The following KIAA0232 variants were observed in gnomAD, a reference collection of about 807,000 sequenced individuals.
The protein encoded by KIAA0232 is KIAA0232.
In KIAA0232, 27 loss-of-function variants were observed where a neutral mutation model predicts 122.0. The observed-to-expected ratio is 0.22, with a 90% CI of 0.16 to 0.31. KIAA0232 has a LOEUF of 0.31. Among genes scored for constraint, KIAA0232 ranks in the 10% least tolerant of loss-of-function variants. The probability of loss-of-function intolerance (pLI) is 1.00; values close to 1 mark genes in which losing one functional copy is unlikely to be tolerated. For synonymous variants in KIAA0232, 613 were observed against 587.6 expected, an observed-to-expected ratio of 1.04 and a Z score of -0.63; for missense variants, 1,551 against 1,634.2, an observed-to-expected ratio of 0.95 and a Z score of 0.88.
intron 1 of KIAA0232, among the ~76,000 whole-genome samples, chr4:6,803,285 A>G (rs958423089): frequency 6.6e-6 from 1 of 151,896 alleles, no homozygotes; most frequent in Non-Finnish European, 1.5e-5. Context: ...GAAATATTCC[A>G]TGAGTAGTTG....
At chr4:6,818,741 G>A (rs1418855308) in intron 2 of KIAA0232, among the ~76,000 whole-genome samples, 1 of 151,556 alleles carries the variant, frequency 6.6e-6, no homozygotes, top group Non-Finnish European at 1.5e-5. Flanking sequence ...AAATTCGTGT[G>A]GAACCAAAAA....
chr4:6,821,810 A>C (rs193049641), intron 2 of KIAA0232, among the ~76,000 whole-genome samples: 1 of 152,158 alleles, frequency 6.6e-6, no homozygotes, highest in Admixed American at 6.6e-5. Flanking sequence ...TTGTGCTGCT[A>C]TAAATACGAA....
chr4:6,813,912 G>A (rs573666663), intron 2 of KIAA0232, among the ~76,000 whole-genome samples: 2 of 152,108 alleles, frequency 1.3e-5, no homozygotes, highest in East Asian at 1.9e-4. Context: ...GTCTGTTCTC[G>A]CCTTACTCCA....
At chr4:6,853,988 CG>C (rs1720435263) in intron 4 of KIAA0232, among the ~76,000 whole-genome samples, 1 of 152,112 alleles carries the variant, frequency 6.6e-6, no homozygotes, top group Admixed American at 6.5e-5. Context: ...AAGAACCTAG[CG>C]TTGGTCAGAG....
intron 4 of KIAA0232, among the ~76,000 whole-genome samples, chr4:6,847,979 C>T (rs904701767): frequency 1.3e-5 from 2 of 152,132 alleles, no homozygotes; most frequent in Non-Finnish European, 2.9e-5. Flanking sequence ...CTTAATGAGG[C>T]CCTGTTTGAG....
chr4:6,842,026 A>C (rs762752543), intron 3 of KIAA0232, 41 bp from the exon 4 acceptor site: 6 of 1,610,982 alleles, frequency 3.7e-6, no homozygotes, highest in South Asian at 3.3e-5. Context: ...GTAGTGTCCA[A>C]GTTAGCCCTG....
chr4:6,862,096 A>G lies in KIAA0232; in HGVS notation c.1714A>G (p.Ser572Gly), dbSNP rs758209918. 5.0e-6 allele frequency: 8 copies of G among 1,614,226 alleles called. No individual in the cohort carries two copies. Among genetic ancestry groups the G allele is most frequent in the South Asian group, 4.4e-5 (4 of 91,086 alleles). ...ACGTGCAATATGGACAGATTCTACC[A>G]GCTCCGTAGGTGCTGAGGGCTTATT... The part of the protein sequence containing the change: ...GERAIWTDST[S>G]SVGAEGLFLQ... The change falls in exon 7 of 10, where the codon AGC (serine) becomes GGC (glycine). Residue 572 changes from serine to glycine, a missense_variant. Physicochemically the swap from Ser to Gly is moderately conservative, Grantham distance 56. Transcript: ENST00000307659.
At chr4:6,814,836 CTT>C in intron 2 of KIAA0232, among the ~76,000 whole-genome samples, 1 of 152,074 alleles carries the variant, frequency 6.6e-6, no homozygotes. Flanking sequence ...GATATATAAA[CTT>C]TTATGGGAAC....
chr4:6,834,337 A>T (rs1003622834), intron 3 of KIAA0232, among the ~76,000 whole-genome samples: 10 of 152,144 alleles, frequency 6.6e-5, no homozygotes, highest in African/African-American at 2.2e-4. Context: ...GCATCATTTT[A>T]TGTACTGATA....
chr4:6,811,025 A>G (rs1717852493), intron 2 of KIAA0232, among the ~76,000 whole-genome samples: 1 of 152,258 alleles, frequency 6.6e-6, no homozygotes, highest in South Asian at 2.1e-4. Context: ...TATAGCTTCT[A>G]TGGAAAAGAG....
At chr4:6,830,586 T>C (rs1451234110) in intron 3 of KIAA0232, among the ~76,000 whole-genome samples, 1 of 151,974 alleles carries the variant, frequency 6.6e-6, no homozygotes, top group East Asian at 1.9e-4. Context: ...TTTATATTTT[T>C]AGTAGACACA....
intron 4 of KIAA0232, among the ~76,000 whole-genome samples, chr4:6,851,134 A>C (rs959655978): frequency 1.2e-4 from 18 of 152,330 alleles, no homozygotes; most frequent in South Asian, 8.3e-4. Flanking sequence ...AGAATGTTAT[A>C]CTTAAACTTT....
intron 3 of KIAA0232, 102 bp from the exon 4 acceptor site, chr4:6,841,965 G>A: frequency 1.5e-6 from 2 of 1,330,096 alleles, no homozygotes; most frequent in Non-Finnish European, 2.1e-6. Flanking sequence ...AACTCGTATG[G>A]AAATGCAAGG....
chr4:6,845,218 C>G (rs868092885), intron 4 of KIAA0232, among the ~76,000 whole-genome samples: 5 of 152,312 alleles, frequency 3.3e-5, no homozygotes, highest in African/African-American at 4.8e-5. Context: ...CAGGCTTGAG[C>G]CAGCCTGATT....
chr4:6,792,907 C>T (rs932860510), intron 1 of KIAA0232, among the ~76,000 whole-genome samples: 5 of 151,920 alleles, frequency 3.3e-5, no homozygotes, highest in African/African-American at 4.8e-5. Context: ...AGAATGGTCT[C>T]GATCTCCTGA....
In KIAA0232 at chr4:6,824,193, G is replaced by A. The variant is rs893523888; in HGVS notation, c.-261G>A. 17 of 516,304 alleles carry A rather than the reference G, an allele frequency of 3.3e-5. No homozygotes were observed. The East Asian group carries it at 3.4e-4, about 10-fold the overall frequency. The allele number at this position is 516,304 out of a possible 1,614,324, so 32.0% of individuals were successfully genotyped here. A position where few individuals can be genotyped will look rare whatever the true frequency, so the allele number is the denominator to read the frequency against. On this transcript the variant is annotated 5_prime_UTR_variant, in exon 3 of 10. Coordinates refer to ENST00000307659, the MANE Select transcript of KIAA0232 (RefSeq NM_014743.3). ...CTCTCTCATTTTTGTAGGTTCTGCC[G>A]GAGACTTCCATTTGGCCTCAATGTG...
chr4:6,807,225 A>AAT (rs527686615), intron 2 of KIAA0232, among the ~76,000 whole-genome samples: 141 of 152,340 alleles, frequency 9.3e-4, no homozygotes, highest in Non-Finnish European at 1.7e-3. Context: ...TTAAACATAA[A>AAT]GATCAACCAG....
Position 6,880,854 on chromosome 4 carries a change from G to A in KIAA0232, c.4076G>A (p.Arg1359His), listed in dbSNP as rs372295449. 3.7e-5 allele frequency: 60 copies of A among 1,606,966 alleles called. No individual in the cohort carries two copies. In the Middle Eastern group the frequency reaches 6.6e-4, roughly 18 times the overall value. ...TCTGGAGCAAAGTCAGATGGCTTCC[G>A]CGGAAAGATGTGCTCCAGCGCCAGC... ...RDSGAKSDGF[R>H]GKMCSSASST... The change falls in exon 10 of 10, where the codon CGC (arginine) becomes CAC (histidine). Residue 1359 changes from arginine to histidine, a missense_variant. Physicochemically the swap from Arg to His is conservative, Grantham distance 29 (BLOSUM62 0). Transcript: ENST00000307659.
chr4:6,815,209 C>G (rs967192880), intron 2 of KIAA0232, among the ~76,000 whole-genome samples: 45 of 152,214 alleles, frequency 3.0e-4, no homozygotes, highest in African/African-American at 9.7e-4. Flanking sequence ...TGTTCCTCAT[C>G]ATGCCAGGTG....
Sources: allele counts gnomAD v4.1 joint callset (sites outside exome capture counted in the v4.1 genomes callset), GRCh38; gene constraint gnomAD v4.1.1; transcripts MANE v1.5; gene names NCBI Gene and HGNC (gene_info 2026-07-23, HGNC 2026-07-21).